Variants in SLC37A3 observed in about 807,000 individuals in gnomAD.
SLC37A3 encodes solute carrier family 37 member 3.
Under a neutral mutation model 67.1 loss-of-function variants are expected in SLC37A3, and 51 were observed. The observed-to-expected ratio is 0.76, with a 90% CI of 0.61 to 0.96. SLC37A3 has a LOEUF of 0.96. Ranked by LOEUF, SLC37A3 falls within the 40% of genes least tolerant of loss-of-function variation. The probability of loss-of-function intolerance (pLI) is 0.00; values close to 1 mark genes in which losing one functional copy is unlikely to be tolerated. For missense variants in SLC37A3, 508 were observed against 603.0 expected (o/e 0.84, Z 1.65); for synonymous variants, 214 against 231.4 (o/e 0.92, Z 0.68).
At chr7:140,393,182 T>C (rs1440850014) in intron 1 of SLC37A3, among the ~76,000 whole-genome samples, 1 of 152,122 alleles carries the variant, frequency 6.6e-6, no homozygotes, top group Non-Finnish European at 1.5e-5. Context: ...CTCTCTTTCC[T>C]TCAGGGGCAC....
At chr7:140,359,764 A>ACTTATTTT (rs1797190293) in intron 5 of SLC37A3, among the ~76,000 whole-genome samples, 2 of 152,164 alleles carry the variant, frequency 1.3e-5, no homozygotes, top group Non-Finnish European at 2.9e-5. Context: ...AATAAGTAAA[A>ACTTATTTT]CTGTACACAG....
chr7:140,336,960 G>A (rs1236380317), intron 14 of SLC37A3, among the ~76,000 whole-genome samples: 1 of 151,844 alleles, frequency 6.6e-6, no homozygotes, highest in Admixed American at 6.6e-5. Context: ...TTAGCCGGGT[G>A]TGGTGGCAGG....
At chr7:140,365,167 G>A (rs1797548515) in intron 4 of SLC37A3, among the ~76,000 whole-genome samples, 1 of 152,192 alleles carries the variant, frequency 6.6e-6, no homozygotes, top group Non-Finnish European at 1.5e-5. Flanking sequence ...GAATTAAAAT[G>A]CTGAGATCAT....
In SLC37A3 at chr7:140,343,498, C is replaced by T. The variant is rs766562198; in HGVS notation, c.1240G>A (p.Glu414Lys). Residue 414 changes from glutamate to lysine, a missense_variant, in exon 13 of 15, where the codon GAG (glutamate) becomes AAG (lysine). By Grantham distance (56) the Glu-to-Lys change is moderately conservative. Coordinates refer to ENST00000326232, the MANE Select transcript of SLC37A3 (RefSeq NM_207113.3). ...GCTTCACTGCTCCTTTGGATGAGCT[C>T]CTGGCGACCCAAGTCCGCAGAAATA... ...SAISADLGRQ[E>K]LIQRSSEALA... The T allele has an allele frequency of 1.2e-6, 2 of 1,614,072 alleles. No homozygotes were observed. Among genetic ancestry groups the T allele is most frequent in the South Asian group, 2.2e-5 (2 of 91,046 alleles).
chr7:140,390,597 C>T (rs558633067), intron 1 of SLC37A3, among the ~76,000 whole-genome samples: 1 of 152,136 alleles, frequency 6.6e-6, no homozygotes, highest in Admixed American at 6.6e-5. Context: ...ATGTCAGGGA[C>T]TGATCTCCCT....
chr7:140,351,632 C>T, intron 8 of SLC37A3, 181 bp from the exon 9 acceptor site: 3 of 605,064 alleles, frequency 5.0e-6, no homozygotes, highest in Non-Finnish European at 8.6e-6. Flanking sequence ...TAAAAATACT[C>T]AAAAGATAGA....
intron 9 of SLC37A3, among the ~76,000 whole-genome samples, chr7:140,350,687 C>A (rs1796756855): frequency 6.6e-6 from 1 of 152,040 alleles, no homozygotes; most frequent in African/African-American, 2.4e-5. Flanking sequence ...TCGCTTGAAC[C>A]CGGGAGGCAG....
chr7:140,386,449 CAATAATAAT>C (rs59004511), intron 1 of SLC37A3, among the ~76,000 whole-genome samples: 1 of 146,508 alleles, frequency 6.8e-6, no homozygotes, highest in African/African-American at 2.5e-5. Flanking sequence ...TATGCAATTA[CAATAATAAT>C]AATAATAATA....
intron 9 of SLC37A3, among the ~76,000 whole-genome samples, chr7:140,350,396 C>T (rs1796744451): frequency 6.6e-6 from 1 of 152,146 alleles, no homozygotes. Context: ...GAAGGCTTTC[C>T]TGACTGCACA....
At chr7:140,346,808 G>A (rs1796578746) in intron 10 of SLC37A3, among the ~76,000 whole-genome samples, 1 of 152,188 alleles carries the variant, frequency 6.6e-6, no homozygotes, top group African/African-American at 2.4e-5. Flanking sequence ...GTAGGAGGAT[G>A]GCTTGAGCCC....
chr7:140,350,758 C>T (rs1024979307), intron 9 of SLC37A3, among the ~76,000 whole-genome samples: 4 of 151,606 alleles, frequency 2.6e-5, no homozygotes, highest in Non-Finnish European at 4.4e-5. Context: ...AGCGACACTC[C>T]GTCCCAAAAT....
chr7:140,368,145 T>C (rs1797679211), intron 4 of SLC37A3, among the ~76,000 whole-genome samples: 1 of 151,728 alleles, frequency 6.6e-6, no homozygotes, highest in South Asian at 2.1e-4. Flanking sequence ...CCCCGCTACC[T>C]GGCCCATTCC....
chr7:140,358,145 A>G (rs1392407723), intron 6 of SLC37A3, among the ~76,000 whole-genome samples: 1 of 152,110 alleles, frequency 6.6e-6, no homozygotes, highest in Non-Finnish European at 1.5e-5. Context: ...TCAAGCCCCA[A>G]AGTCTGGCGT....
intron 3 of SLC37A3, among the ~76,000 whole-genome samples, chr7:140,370,212 C>T (rs59072471): frequency 0.15 from 23,197 of 150,728 alleles, 2,321 homozygotes; most frequent in African/African-American, 0.28. Context: ...TGAGGGAGTA[C>T]AGTGTGATAG....
intron 2 of SLC37A3, 56 bp downstream of exon 2, chr7:140,382,382 C>T: frequency 6.9e-7 from 1 of 1,452,368 alleles, no homozygotes; most frequent in Non-Finnish European, 9.6e-7. Context: ...CATGCAATAT[C>T]TCCCTCAAAA....
Position 140,351,264 on chromosome 7 carries a change from G to T in SLC37A3, c.882+9C>A. ...TCCCTGGCTGTGGTAAGATGTAAGC[G>T]GTCCTTACCGGTATGACTCCAGGAA... is the stretch of plus-strand genomic sequence containing the variant. On this transcript the variant is annotated intron_variant, in intron 9 of 14. Transcript: ENST00000326232. 6.2e-7 allele frequency: 1 copy of T among 1,611,972 alleles called. No individual in the cohort carries two copies. Among genetic ancestry groups the T allele is most frequent in the Non-Finnish European group, 8.5e-7 (1 of 1,178,852 alleles).
intron 4 of SLC37A3, 64 bp downstream of exon 4, chr7:140,369,526 A>C: frequency 7.4e-7 from 1 of 1,344,826 alleles, no homozygotes; most frequent in Non-Finnish European, 1.0e-6. Context: ...AAATTTTGTA[A>C]GGCTCAGGGT....
intron 7 of SLC37A3, among the ~76,000 whole-genome samples, chr7:140,355,316 A>T (rs545808655): frequency 6.6e-6 from 1 of 152,026 alleles, no homozygotes; most frequent in Admixed American, 6.5e-5. Flanking sequence ...GGTTCAAACG[A>T]TTCTCCTGCC....
intron 13 of SLC37A3, 94 bp from the exon 14 acceptor site, chr7:140,337,443 A>G (rs1563002918): frequency 2.0e-6 from 2 of 1,009,854 alleles, no homozygotes; most frequent in Non-Finnish European, 2.8e-6. Context: ...ATTTTAGAAA[A>G]TAAGAAGGGA....
Sources: allele counts gnomAD v4.1 joint callset (sites outside exome capture counted in the v4.1 genomes callset), GRCh38; gene constraint gnomAD v4.1.1; transcripts MANE v1.5; gene names NCBI Gene and HGNC (gene_info 2026-07-23, HGNC 2026-07-21).